Variants in B3GALNT2 observed in about 807,000 individuals in gnomAD.
B3GALNT2 encodes the protein UDP-GalNAc:beta-1,3-N-acetylgalactosaminyltransferase 2.
B3GALNT2 carries 53 observed loss-of-function variants against 61.1 expected under a neutral mutation model. The observed-to-expected ratio is 0.87, with a 90% CI of 0.70 to 1.09. The LOEUF is 1.09. Among genes scored for constraint, B3GALNT2 ranks in the 50% least tolerant of loss-of-function variants. The probability of loss-of-function intolerance (pLI) is 0.00; values close to 1 mark genes in which losing one functional copy is unlikely to be tolerated. For missense variants in B3GALNT2, 544 were observed against 623.0 expected (o/e 0.87, Z 1.35); for synonymous variants, 223 against 237.4 (o/e 0.94, Z 0.56).
chr1:235,468,741 G>A (rs574688278), intron 6 of B3GALNT2, among the ~76,000 whole-genome samples: 44 of 152,124 alleles, frequency 2.9e-4, no homozygotes, highest in African/African-American at 7.0e-4. Flanking sequence ...GTGAGCCACC[G>A]CGCCCGGCCA....
intron 1 of B3GALNT2, among the ~76,000 whole-genome samples, chr1:235,502,676 C>G (rs1685635548): frequency 6.6e-6 from 1 of 152,192 alleles, no homozygotes; most frequent in Non-Finnish European, 1.5e-5. Context: ...AGCAAGTCTA[C>G]TAAGATTTCA....
At chr1:235,470,313 C>G (rs1239018480) in intron 6 of B3GALNT2, among the ~76,000 whole-genome samples, 1 of 151,854 alleles carries the variant, frequency 6.6e-6, no homozygotes, top group African/African-American at 2.4e-5. Context: ...AGAAATAGGC[C>G]AGGTGCAGTG....
intron 7 of B3GALNT2, chr1:235,464,184 T>C (rs943471457): frequency 6.6e-5 from 10 of 152,344 alleles, no homozygotes; most frequent in African/African-American, 2.4e-4. Flanking sequence ...AGACAATAGT[T>C]CCTTACATAT....
At chr1:235,487,891 C>T (rs2102850886) in intron 3 of B3GALNT2, among the ~76,000 whole-genome samples, 1 of 152,200 alleles carries the variant, frequency 6.6e-6, no homozygotes, top group East Asian at 1.9e-4. Flanking sequence ...TGGACCCAAG[C>T]AGTCCTCCTA....
chr1:235,481,763 T>C (rs10925824), intron 4 of B3GALNT2, among the ~76,000 whole-genome samples: 34,969 of 152,088 alleles, frequency 0.23, 4,956 homozygotes, highest in East Asian at 0.52. Flanking sequence ...AATTACCTAT[T>C]TGATCTTCAG....
chr1:235,443,106 T>G (rs969749174), downstream of B3GALNT2: 19 of 612,006 alleles, frequency 3.1e-5, no homozygotes, highest in African/African-American at 5.6e-5. Context: ...AGTTCAGGTC[T>G]CCCCTAACTT....
At chr1:235,495,035 G>A (rs1046996395) in intron 1 of B3GALNT2, among the ~76,000 whole-genome samples, 1 of 152,038 alleles carries the variant, frequency 6.6e-6, no homozygotes, top group Non-Finnish European at 1.5e-5. Context: ...TGTCTTTCAC[G>A]TATATATGTA....
chr1:235,490,338 C>A (rs1368249071), intron 2 of B3GALNT2, among the ~76,000 whole-genome samples: 1 of 152,156 alleles, frequency 6.6e-6, no homozygotes, highest in Non-Finnish European at 1.5e-5. Context: ...TCAAGTGATT[C>A]TCCTGCCTCA....
At chr1:235,491,518 T>C (rs542795276) in intron 2 of B3GALNT2, among the ~76,000 whole-genome samples, 3 of 152,198 alleles carry the variant, frequency 2.0e-5, no homozygotes, top group Non-Finnish European at 4.4e-5. Context: ...AACCTCAAGG[T>C]CAACATATAC....
intron 2 of B3GALNT2, among the ~76,000 whole-genome samples, chr1:235,493,912 C>A (rs1405219537): frequency 6.6e-6 from 1 of 152,170 alleles, no homozygotes; most frequent in Non-Finnish European, 1.5e-5. Context: ...AACTTCTATG[C>A]GTTTCTTCCC....
At chr1:235,467,653 T>C (rs1339020409) in intron 6 of B3GALNT2, among the ~76,000 whole-genome samples, 1 of 151,934 alleles carries the variant, frequency 6.6e-6, no homozygotes, top group Non-Finnish European at 1.5e-5. Context: ...CTAATTTTTG[T>C]ATTTTTAGTA....
intron 8 of B3GALNT2, among the ~76,000 whole-genome samples, chr1:235,456,037 G>A (rs1456951614): frequency 2.0e-5 from 3 of 152,114 alleles, no homozygotes; most frequent in Admixed American, 6.6e-5. Flanking sequence ...ACCTTGCCCC[G>A]TGTGTTCTTA....
downstream of B3GALNT2, among the ~76,000 whole-genome samples, chr1:235,442,408 G>A (rs1022097199): frequency 7.2e-5 from 11 of 152,200 alleles, no homozygotes; most frequent in African/African-American, 2.4e-4. Context: ...GACCTCAGGA[G>A]ATCCACCCGC....
intron 2 of B3GALNT2, 80 bp from the exon 3 acceptor site, chr1:235,489,348 TTTTAC>T: frequency 6.4e-7 from 1 of 1,571,012 alleles, no homozygotes; most frequent in South Asian, 1.2e-5. Context: ...ATTTCAGAGC[TTTTAC>T]TTTGAGACAC....
In B3GALNT2 at chr1:235,447,545, C is replaced by T. The variant is rs1024161013; in HGVS notation, c.*2661G>A. On this transcript the variant is annotated 3_prime_UTR_variant, in exon 12 of 12. Coordinates refer to ENST00000366600, the MANE Select transcript of B3GALNT2 (RefSeq NM_152490.5). ...ACATGATGTAATTACAGAATGGCGG[C>T]GCTGGAAGGGACCTTGTAGATCATT... Among the ~76,000 whole-genome samples, 1 of 152,038 alleles carries T rather than the reference C, an allele frequency of 6.6e-6. No individual in the cohort carries two copies. Among genetic ancestry groups the T allele is most frequent in the African/African-American group, 2.4e-5 (1 of 41,404 alleles).
chr1:235,487,551 G>A (rs1365136202), intron 3 of B3GALNT2, among the ~76,000 whole-genome samples: 1 of 152,166 alleles, frequency 6.6e-6, no homozygotes, highest in Non-Finnish European at 1.5e-5. Context: ...CTTGGATTGA[G>A]AGCCATGGAG....
chr1:235,454,426 G>A lies in B3GALNT2; in HGVS notation c.1152-111C>T, dbSNP rs1486960315. 6 of 1,117,328 alleles carry A rather than the reference G, an allele frequency of 5.4e-6. No homozygotes were observed. In the East Asian group the frequency reaches 1.7e-4, roughly 31 times the overall value. The allele number at this position is 1,117,328 out of a possible 1,614,324, so 69.2% of individuals were successfully genotyped here. ...AAAGGAATAAGCTTGTAGAAGTGAGGAAAGAAAATAAGAAAATTTCTTTTT... is the reference window on the plus strand; with the variant it reads ...AAAGGAATAAGCTTGTAGAAGTGAGAAAAGAAAATAAGAAAATTTCTTTTT... On this transcript the variant is annotated intron_variant, in intron 9 of 11. Coordinates refer to ENST00000366600, the MANE Select transcript of B3GALNT2 (RefSeq NM_152490.5).
chr1:235,483,481 G>A (rs1258164020), intron 4 of B3GALNT2, among the ~76,000 whole-genome samples: 3 of 152,128 alleles, frequency 2.0e-5, no homozygotes, highest in Admixed American at 6.5e-5. Flanking sequence ...CCTCACGCCT[G>A]TAATCCCAGC....
At chr1:235,499,122 T>C (rs1013220107) in intron 1 of B3GALNT2, among the ~76,000 whole-genome samples, 1 of 152,208 alleles carries the variant, frequency 6.6e-6, no homozygotes, top group Non-Finnish European at 1.5e-5. Flanking sequence ...GGTGTAGCTA[T>C]ATGACAGAAT....
Sources: gnomAD v4.1 joint callset for allele counts (sites outside exome capture counted in the v4.1 genomes callset) on GRCh38, gnomAD v4.1.1 for gene constraint, MANE v1.5 for transcripts, NCBI Gene and HGNC (gene_info 2026-07-23, HGNC 2026-07-21) for gene names.